WWOX: variants seen among roughly 807,000 people sequenced by gnomAD.
WWOX encodes the protein WW domain containing oxidoreductase, also known as WW domain-containing oxidoreductase.
WWOX carries 69 observed loss-of-function variants against 46.2 expected under a neutral mutation model. That is an observed-to-expected ratio of 1.49 (90% CI 1.23 to 1.82). The LOEUF is 1.82. Ranked by LOEUF, WWOX falls within the 40% of genes most tolerant of loss-of-function variation. WWOX has a pLI of 0.00. For synonymous variants in WWOX, 359 were observed against 202.6 expected (o/e 1.77, Z -6.56); for missense variants, 919 against 542.6 (o/e 1.69, Z -6.89).
At chr16:78,291,611 T>C (rs1195966570) in intron 5 of WWOX, among the ~76,000 whole-genome samples, 1 of 152,196 alleles carries the variant, frequency 6.6e-6, no homozygotes, top group East Asian at 1.9e-4. Context: ...TGCCTTCTGG[T>C]TGTAACTTGG....
chr16:78,810,184 C>G (rs2051149390), intron 8 of WWOX, among the ~76,000 whole-genome samples: 1 of 152,146 alleles, frequency 6.6e-6, no homozygotes, highest in Non-Finnish European at 1.5e-5. Flanking sequence ...ACGGGTACCC[C>G]TTGCCTATAC....
At chr16:79,198,763 T>G (rs1466004924) in intron 8 of WWOX, among the ~76,000 whole-genome samples, 3 of 152,220 alleles carry the variant, frequency 2.0e-5, no homozygotes, top group Admixed American at 2.0e-4. Flanking sequence ...AAATACCATA[T>G]TATTATAAAT....
intron 8 of WWOX, among the ~76,000 whole-genome samples, chr16:79,021,495 C>G (rs888249154): frequency 1.3e-5 from 2 of 152,154 alleles, no homozygotes; most frequent in African/African-American, 2.4e-5. Flanking sequence ...CTCATGGGAT[C>G]TAGTAACAAA....
intron 8 of WWOX, among the ~76,000 whole-genome samples, chr16:79,050,463 C>G (rs910692913): frequency 1.6e-4 from 24 of 152,280 alleles, no homozygotes; most frequent in African/African-American, 5.8e-4. Context: ...AGTCTAGACC[C>G]AGAACTGGCA....
At chr16:78,948,076 G>C (rs190706388) in intron 8 of WWOX, among the ~76,000 whole-genome samples, 2 of 152,348 alleles carry the variant, frequency 1.3e-5, no homozygotes, top group East Asian at 3.9e-4. Context: ...CCGTCAGAGA[G>C]AGTTCAACTC....
At chr16:78,464,452 C>A (rs1344772110) in intron 8 of WWOX, among the ~76,000 whole-genome samples, 2 of 152,152 alleles carry the variant, frequency 1.3e-5, no homozygotes, top group African/African-American at 4.8e-5. Context: ...CAGAAAGCAC[C>A]TTGACCAAGT....
chr16:78,805,014 A>C (rs914338002), intron 8 of WWOX, among the ~76,000 whole-genome samples: 2 of 152,254 alleles, frequency 1.3e-5, no homozygotes, highest in Non-Finnish European at 2.9e-5. Flanking sequence ...GAAGCTTTGC[A>C]TGAGCAAAAT....
chr16:78,667,670 CAAAAAAAAAAA>C (rs35375082), intron 8 of WWOX, among the ~76,000 whole-genome samples: 1 of 61,306 alleles, frequency 1.6e-5, no homozygotes, highest in African/African-American at 5.5e-5. Flanking sequence ...GACTCCGTCT[CAAAAAAAAAAA>C]AAAAAAAAAA....
Position 78,191,747 on chromosome 16 carries a change from G to C in WWOX, c.516+27458G>C, listed in dbSNP as rs1477466223. 5.3e-5 allele frequency among the ~76,000 whole-genome samples: 8 copies of C among 152,294 alleles called. No homozygotes were observed. The East Asian group carries it at 1.5e-3, about 29-fold the overall frequency. The stretch of plus-strand genomic sequence containing the variant: ...GATTCTTATCTGAGAGGGGATTTGA[G>C]AATGGCATTGCAGAGTGGGAGGCGC... On this transcript the variant is annotated intron_variant, in intron 5 of 8. Coordinates refer to ENST00000566780, the MANE Select transcript of WWOX (RefSeq NM_016373.4).
Position 78,678,811 on chromosome 16 carries a change from C to T in WWOX, c.1056+246059C>T, listed in dbSNP as rs117825593. On this transcript the variant is annotated intron_variant, in intron 8 of 8. Coordinates refer to ENST00000566780, the MANE Select transcript of WWOX (RefSeq NM_016373.4). ...GGGGTTAAGTGCTTTACATGCATCCCCTCATTGACTTCTCAGAGCAGCTCC... is the reference window on the plus strand; with the variant it reads ...GGGGTTAAGTGCTTTACATGCATCCTCTCATTGACTTCTCAGAGCAGCTCC... Among the ~76,000 whole-genome samples the T allele has an allele frequency of 3.6e-3, 553 of 152,160 alleles. 3 individuals carry two copies. The highest frequency in any genetic ancestry group is 6.8e-3 in the Middle Eastern group (2 of 294).
intron 8 of WWOX, among the ~76,000 whole-genome samples, chr16:78,929,565 C>A (rs1024163984): frequency 1.3e-5 from 2 of 152,116 alleles, no homozygotes; most frequent in African/African-American, 4.8e-5. Flanking sequence ...CAGTCATTCT[C>A]CTCCCCAAAT....
At chr16:79,028,373 G>A (rs1414455399) in intron 8 of WWOX, among the ~76,000 whole-genome samples, 2 of 151,822 alleles carry the variant, frequency 1.3e-5, no homozygotes, top group African/African-American at 2.4e-5. Context: ...GCTAAATTCA[G>A]TCCAGACATT....
At chr16:78,131,603 A>G (rs1213868404) in intron 4 of WWOX, among the ~76,000 whole-genome samples, 1 of 151,358 alleles carries the variant, frequency 6.6e-6, no homozygotes, top group Non-Finnish European at 1.5e-5. Context: ...CTTTTTTGAG[A>G]TGGAGTCTCA....
intron 8 of WWOX, among the ~76,000 whole-genome samples, chr16:78,633,596 G>C (rs949641214): frequency 6.6e-6 from 1 of 152,166 alleles, no homozygotes; most frequent in South Asian, 2.1e-4. Flanking sequence ...TCTGGCTTCA[G>C]AGATGCCACT....
At chr16:78,932,259 G>A (rs1385412084) in intron 8 of WWOX, among the ~76,000 whole-genome samples, 1 of 152,168 alleles carries the variant, frequency 6.6e-6, no homozygotes, top group African/African-American at 2.4e-5. Flanking sequence ...CAGAAGGGAT[G>A]AAGGTATCTG....
intron 8 of WWOX, among the ~76,000 whole-genome samples, chr16:79,001,620 G>A (rs748669045): frequency 1.3e-5 from 2 of 151,196 alleles, no homozygotes. Context: ...AATCACTTAT[G>A]TAATAAACTA....
chr16:78,599,361 G>A (rs1434065752), intron 8 of WWOX, among the ~76,000 whole-genome samples: 2 of 152,184 alleles, frequency 1.3e-5, no homozygotes, highest in South Asian at 2.1e-4. Flanking sequence ...TTGAGACTCT[G>A]CAAAGTGCAT....
chr16:78,367,540 GA>G (rs1032423887), intron 5 of WWOX, among the ~76,000 whole-genome samples: 4 of 152,040 alleles, frequency 2.6e-5, no homozygotes, highest in Admixed American at 1.3e-4. Flanking sequence ...GAATAAAACA[GA>G]AAAAAGGTGT....
chr16:78,971,355 T>C (rs2046464869), intron 8 of WWOX, among the ~76,000 whole-genome samples: 1 of 147,708 alleles, frequency 6.8e-6, no homozygotes, highest in South Asian at 2.1e-4. Flanking sequence ...CTCAGAAGGC[T>C]GAGGCGGGAG....
Sources: gnomAD v4.1 joint callset for allele counts (sites outside exome capture counted in the v4.1 genomes callset) on GRCh38, gnomAD v4.1.1 for gene constraint, MANE v1.5 for transcripts, NCBI Gene and HGNC (gene_info 2026-07-23, HGNC 2026-07-21) for gene names.